The following PPP6R3 variants were observed in gnomAD, a reference collection of about 807,000 sequenced individuals.
PPP6R3 encodes serine/threonine-protein phosphatase 6 regulatory subunit 3.
PPP6R3 carries 38 observed loss-of-function variants against 110.7 expected under a neutral mutation model. That is an observed-to-expected ratio of 0.34 (90% CI 0.26 to 0.45). The LOEUF (loss-of-function observed/expected upper bound fraction) is 0.45. PPP6R3 is among the 20% of genes least tolerant of loss of function. The pLI, the probability that PPP6R3 is intolerant of heterozygous loss-of-function variation, is 1.00. For missense variants in PPP6R3, 870 were observed against 1,062.4 expected, an observed-to-expected ratio of 0.82 and a Z score of 2.52; for synonymous variants, 369 against 373.5, an observed-to-expected ratio of 0.99 and a Z score of 0.14.
chr11:68,571,062 T>C lies in PPP6R3; in HGVS notation c.1301T>C (p.Ile434Thr). ...LKHLFQKCQLIERILEAWEMN... is the reference protein window; with the variant it reads ...LKHLFQKCQLTERILEAWEMN... ...CAGCTTTTCCAAAAATGTCAATTAA[T>C]AGAACGAATACTTGAAGCCTGGGAA... Residue 434 changes from isoleucine to threonine, a missense_variant, in exon 12 of 24, where the codon ATA becomes ACA. Physicochemically the swap from Ile to Thr is moderately conservative, Grantham distance 89. Coordinates refer to ENST00000393800, the MANE Select transcript of PPP6R3 (RefSeq NM_001164161.2). 1 of 1,594,442 alleles carries C rather than the reference T, an allele frequency of 6.3e-7. No homozygotes were observed. The highest frequency in any genetic ancestry group is 8.5e-7 in the Non-Finnish European group (1 of 1,174,286).
intron 1 of PPP6R3, among the ~76,000 whole-genome samples, chr11:68,483,180 A>C (rs2098926381): frequency 6.6e-6 from 1 of 152,246 alleles, no homozygotes; most frequent in Admixed American, 6.5e-5. Context: ...AGCAAAGGGA[A>C]GAAAACTTTT....
At chr11:68,561,512 A>G (rs892374337) in intron 8 of PPP6R3, among the ~76,000 whole-genome samples, 1 of 152,236 alleles carries the variant, frequency 6.6e-6, no homozygotes, top group African/African-American at 2.4e-5. Flanking sequence ...AAATTCCTCA[A>G]GAAAATATGA....
At position 68,577,140 on chromosome 11, in the gene PPP6R3, G is replaced by T. The variant is rs577291215; in HGVS notation, c.1545+1097G>T. Among the ~76,000 whole-genome samples, 16 of 152,292 alleles carry T rather than the reference G, an allele frequency of 1.1e-4. No individual in the cohort carries two copies. In the South Asian group the frequency reaches 3.1e-3, roughly 30 times the overall value. Reference sequence around the variant, plus strand: ...ATTAAAATAGACCTAAGGCCTAATAGCCCGAGTGTCTCTGTGTACCACAGC... The same window carrying T: ...ATTAAAATAGACCTAAGGCCTAATATCCCGAGTGTCTCTGTGTACCACAGC... On this transcript the variant is annotated intron_variant, in intron 14 of 23. Coordinates refer to ENST00000393800, the MANE Select transcript of PPP6R3 (RefSeq NM_001164161.2).
chr11:68,483,784 A>C (rs1299793642), intron 1 of PPP6R3, among the ~76,000 whole-genome samples: 4 of 152,178 alleles, frequency 2.6e-5, no homozygotes, highest in African/African-American at 4.8e-5. Flanking sequence ...GCCCAGTCAT[A>C]TTCTAAAAGT....
chr11:68,528,433 T>TGTGG (rs779975588), intron 2 of PPP6R3, among the ~76,000 whole-genome samples: 2 of 127,548 alleles, frequency 1.6e-5, no homozygotes, highest in African/African-American at 6.1e-5. Context: ...TTTGTGTGTG[T>TGTGG]GGGGGGGGGG....
rs1231183341 is a variant in PPP6R3 at position 68,575,958 on chromosome 11, A to G, written c.1460A>G (p.Asp487Gly). Residue 487 changes from aspartate (D) to glycine (G), a missense_variant and splice_region_variant, in exon 14 of 24, where the codon GAT becomes GGT. By Grantham distance (94) the Asp-to-Gly change is moderately conservative. Coordinates refer to ENST00000393800, the MANE Select transcript of PPP6R3 (RefSeq NM_001164161.2). ...CTTTTTTGCTTTTCTCACTCTGAAGATCTTCCCGACGAAGTCAGGGAACGA... is the reference window on the plus strand; with the variant it reads ...CTTTTTTGCTTTTCTCACTCTGAAGGTCTTCCCGACGAAGTCAGGGAACGA... ...NSALVQQLIK[D>G]LPDEVRERWE... 1 of 1,607,184 alleles carries G rather than the reference A, an allele frequency of 6.2e-7. No homozygotes were observed.
rs1341599388 is a variant in PPP6R3 at position 68,614,614 on chromosome 11, TTCC to T, written c.*1499_*1501del. On this transcript the variant is annotated 3_prime_UTR_variant, in exon 24 of 24. Coordinates refer to ENST00000393800, the MANE Select transcript of PPP6R3 (RefSeq NM_001164161.2). ...CGTCTAATGCCTTATTATTTCTGAT[TTCC>T]TTTTTCATTTTAAGTGGTGTGGAGA... is the stretch of plus-strand genomic sequence containing the variant. 2.6e-6 allele frequency: 4 copies of T among 1,515,724 alleles called. No homozygotes were observed. The African/African-American group carries it at 5.7e-5, about 21-fold the overall frequency. 93.9% of individuals were successfully genotyped at this position (1,515,724 alleles called of 1,614,324 possible).
chr11:68,554,152 C>T lies in PPP6R3; in HGVS notation c.626C>T (p.Ser209Leu), dbSNP rs1328803834. 2 of 1,607,898 alleles carry T rather than the reference C, an allele frequency of 1.2e-6. No individual in the cohort carries two copies. Among genetic ancestry groups the T allele is most frequent in the Admixed American group, 3.4e-5 (2 of 58,738 alleles). Reference sequence around the variant, plus strand: ...TGTACTTTTTTCCTTTAGCGACATTCAAATGCATCACAATCACTTTGTGAA... The same window carrying T: ...TGTACTTTTTTCCTTTAGCGACATTTAAATGCATCACAATCACTTTGTGAA... ...VHPSQEEDRH[S>L]NASQSLCEIV... The change falls in exon 7 of 24, where the codon TCA (serine) becomes TTA (leucine). Residue 209 changes from serine to leucine, a missense_variant. By Grantham distance (145) the Ser-to-Leu change is moderately radical (BLOSUM62 -2). Transcript: ENST00000393800.
At chr11:68,600,522 C>T in intron 20 of PPP6R3, 28 bp downstream of exon 20, 2 of 1,591,456 alleles carry the variant, frequency 1.3e-6, no homozygotes, top group South Asian at 1.1e-5. Flanking sequence ...GTCTCTACAC[C>T]CTTCCACGGG....
At chr11:68,500,508 C>T (rs1490242144) in intron 1 of PPP6R3, among the ~76,000 whole-genome samples, 1 of 152,150 alleles carries the variant, frequency 6.6e-6, no homozygotes, top group East Asian at 1.9e-4. Context: ...GACGAAGTCT[C>T]AGTCTGTTGC....
chr11:68,572,394 C>T (rs1004086216), intron 12 of PPP6R3, among the ~76,000 whole-genome samples: 2 of 152,184 alleles, frequency 1.3e-5, no homozygotes, highest in Admixed American at 1.3e-4. Context: ...TGCACAACAG[C>T]CTGAAGCAGT....
intron 1 of PPP6R3, among the ~76,000 whole-genome samples, chr11:68,468,174 G>T (rs1241571020): frequency 2.0e-5 from 3 of 152,232 alleles, no homozygotes; most frequent in Admixed American, 1.3e-4. Context: ...TGATGTTCCA[G>T]ACCACAGTTT....
intron 15 of PPP6R3, among the ~76,000 whole-genome samples, chr11:68,584,444 C>T (rs2099571940): frequency 6.6e-6 from 1 of 152,186 alleles, no homozygotes; most frequent in Admixed American, 6.5e-5. Context: ...CATTGGTCCA[C>T]CCCTAGAATG....
At position 68,585,606 on chromosome 11, in the gene PPP6R3, T is replaced by TA. The variant is rs1471831956; in HGVS notation, c.1633-2320dup. Among the ~76,000 whole-genome samples, 6 of 152,368 alleles carry TA rather than the reference T, an allele frequency of 3.9e-5. No individual in the cohort carries two copies. The East Asian group carries it at 1.2e-3, about 29-fold the overall frequency. On this transcript the variant is annotated intron_variant, in intron 15 of 23. Transcript: ENST00000393800. ...ATAGGATACAATAACAGTCTTCACT[T>TA]ACATATATTTGTAAGTTTTGGTAGC...
chr11:68,554,302 G>A (rs2099391424), intron 7 of PPP6R3, 45 bp downstream of exon 7: 1 of 1,405,262 alleles, frequency 7.1e-7, no homozygotes, highest in Admixed American at 1.8e-5. Context: ...TATTGATGCT[G>A]TTCCATGTGT....
intron 1 of PPP6R3, among the ~76,000 whole-genome samples, chr11:68,463,284 G>A (rs1023252725): frequency 1.3e-5 from 2 of 149,300 alleles, no homozygotes; most frequent in Non-Finnish European, 3.0e-5. Flanking sequence ...CAGGAGAATC[G>A]CTTAAACCTG....
intron 18 of PPP6R3, among the ~76,000 whole-genome samples, chr11:68,593,887 C>T (rs1394896527): frequency 1.3e-5 from 2 of 151,982 alleles, no homozygotes; most frequent in Non-Finnish European, 2.9e-5. Flanking sequence ...GGCATGGTGG[C>T]GTGTGCCTGC....
intron 18 of PPP6R3, among the ~76,000 whole-genome samples, chr11:68,592,313 T>C (rs1336266961): frequency 6.6e-6 from 1 of 152,248 alleles, no homozygotes; most frequent in East Asian, 1.9e-4. Flanking sequence ...GAACAACAGC[T>C]GAACTTTCAT....
At chr11:68,600,207 C>T (rs2099627375) in intron 19 of PPP6R3, 134 bp from the exon 20 acceptor site, 2 of 987,040 alleles carry the variant, frequency 2.0e-6, no homozygotes, top group Admixed American at 2.0e-5. Context: ...GCCCTGTCCG[C>T]TCCTGCCCTC....
Sources: gnomAD v4.1 joint callset for allele counts (sites outside exome capture counted in the v4.1 genomes callset) on GRCh38, gnomAD v4.1.1 for gene constraint, MANE v1.5 for transcripts, NCBI Gene and HGNC (gene_info 2026-07-23, HGNC 2026-07-21) for gene names.